Variants in KDM5B observed in about 807,000 individuals in gnomAD.
The protein encoded by KDM5B is lysine-specific demethylase 5B.
KDM5B carries 144 observed loss-of-function variants against 193.4 expected under a neutral mutation model. The ratio of observed to expected loss-of-function variants is 0.74; its 90% CI spans 0.65 to 0.86. The LOEUF is 0.86. Ranked by LOEUF, KDM5B falls within the 40% of genes least tolerant of loss-of-function variation. KDM5B has a pLI of 0.00. For missense variants in KDM5B, 1,833 were observed against 1,886.9 expected (o/e 0.97, Z 0.53); for synonymous variants, 668 against 682.6 (o/e 0.98, Z 0.33).
rs758909367 is a variant in KDM5B at position 202,742,387 on chromosome 1, T to A, written c.2589+4A>T. The A allele has an allele frequency of 6.3e-7, 1 of 1,599,066 alleles. No homozygotes were observed. Among genetic ancestry groups the A allele is most frequent in the Non-Finnish European group, 8.6e-7 (1 of 1,166,328 alleles). On this transcript the variant is annotated splice_donor_region_variant and intron_variant, in intron 18 of 26. Coordinates refer to ENST00000367265, the MANE Select transcript of KDM5B (RefSeq NM_006618.5). ...TATTCTCCCACACATCCCTCTATGG[T>A]TACCTTTAGTAATGGTGTCTGACTG...
chr1:202,772,694 CT>C (rs796278655), intron 4 of KDM5B, among the ~76,000 whole-genome samples: 187 of 145,296 alleles, frequency 1.3e-3, no homozygotes, highest in South Asian at 2.0e-3. Context: ...AAAACAAGGT[CT>C]TTTTTTTTTT....
At chr1:202,783,458 T>C (rs1290243666) in intron 1 of KDM5B, among the ~76,000 whole-genome samples, 4 of 151,812 alleles carry the variant, frequency 2.6e-5, no homozygotes, top group African/African-American at 9.7e-5. Flanking sequence ...TGAGCCACGA[T>C]CATGCTACTG....
At chr1:202,739,564 T>C (rs1404306145) in intron 20 of KDM5B, among the ~76,000 whole-genome samples, 3 of 151,910 alleles carry the variant, frequency 2.0e-5, no homozygotes, top group African/African-American at 7.3e-5. Context: ...GGAGGGAACG[T>C]CAGCAGATAA....
intron 20 of KDM5B, among the ~76,000 whole-genome samples, chr1:202,739,449 T>A (rs1217818686): frequency 1.3e-5 from 2 of 152,044 alleles, no homozygotes; most frequent in Admixed American, 6.5e-5. Flanking sequence ...CTCTTTTTTT[T>A]TTTTGCCTTT....
Position 202,736,349 on chromosome 1 carries a change from A to G in KDM5B, c.3128T>C (p.Val1043Ala). The G allele has an allele frequency of 6.2e-7, 1 of 1,611,700 alleles. No individual in the cohort carries two copies. The highest frequency in any genetic ancestry group is 8.5e-7 in the Non-Finnish European group (1 of 1,178,856). ...VPVLDTLIEL[V>A]TRGRSIPVHL... ...TACGGGGATAGATCGGCCTCGTGTAACAAGTTCTATGAGTGTGTCTAACAC... is the reference window on the plus strand; with the variant it reads ...TACGGGGATAGATCGGCCTCGTGTAGCAAGTTCTATGAGTGTGTCTAACAC... The change falls in exon 21 of 27, where the codon GTT (valine) becomes GCT (alanine). Residue 1043 changes from valine to alanine, a missense_variant. Val to Ala is a moderately conservative substitution (Grantham distance 64, BLOSUM62 0). This residue lies in a region of KDM5B where 1,379 missense variants were observed against 1,349.6 expected (regional missense o/e 1.02). Coordinates refer to ENST00000367265, the MANE Select transcript of KDM5B (RefSeq NM_006618.5).
At chr1:202,801,155 T>C (rs12070340) in intron 1 of KDM5B, among the ~76,000 whole-genome samples, 11,909 of 152,300 alleles carry the variant, frequency 0.078, 551 homozygotes, top group African/African-American at 0.12. Flanking sequence ...CTTTACACTT[T>C]TGTGTATGCT....
intron 1 of KDM5B, among the ~76,000 whole-genome samples, chr1:202,791,104 C>G (rs1014709766): frequency 1.3e-5 from 2 of 152,148 alleles, no homozygotes; most frequent in Non-Finnish European, 2.9e-5. Flanking sequence ...GAAACTTACC[C>G]TATGATATAT....
chr1:202,757,461 C>G (rs1656068287), intron 9 of KDM5B, among the ~76,000 whole-genome samples: 1 of 152,162 alleles, frequency 6.6e-6, no homozygotes, highest in Non-Finnish European at 1.5e-5. Flanking sequence ...AAATGTCTAT[C>G]CCTCAATGTC....
intron 19 of KDM5B, 132 bp from the exon 20 acceptor site, chr1:202,740,944 C>T: frequency 4.6e-6 from 4 of 865,074 alleles, no homozygotes; most frequent in Non-Finnish European, 7.0e-6. Flanking sequence ...ATTGTCTATT[C>T]CTGTTGAAAA....
At chr1:202,808,081 C>T in intron 1 of KDM5B, 21 bp downstream of exon 1, 4 of 1,605,196 alleles carry the variant, frequency 2.5e-6, no homozygotes, top group African/African-American at 1.4e-5. Flanking sequence ...GAGCTGGATC[C>T]GGGGTGCTGG....
rs755185429 is a variant in KDM5B, at chr1:202,742,382, T to A, written c.2589+9A>T. On this transcript the variant is annotated intron_variant, in intron 18 of 26. Coordinates refer to ENST00000367265, the MANE Select transcript of KDM5B (RefSeq NM_006618.5). ...CAAAGTATTCTCCCACACATCCCTCTATGGTTACCTTTAGTAATGGTGTCT... is the reference window on the plus strand; with the variant it reads ...CAAAGTATTCTCCCACACATCCCTCAATGGTTACCTTTAGTAATGGTGTCT... The A allele has an allele frequency of 1.9e-5, 30 of 1,588,054 alleles. No homozygotes were observed. In the East Asian group the frequency reaches 6.5e-4, roughly 34 times the overall value.
chr1:202,735,194 T>C (rs1655046610), intron 22 of KDM5B, among the ~76,000 whole-genome samples: 1 of 152,232 alleles, frequency 6.6e-6, no homozygotes, highest in Non-Finnish European at 1.5e-5. Context: ...TAAACAAGAC[T>C]GTTTCTGTGC....
intron 12 of KDM5B, among the ~76,000 whole-genome samples, 191 bp from the exon 13 acceptor site, chr1:202,750,969 C>T (rs1361908384): frequency 6.6e-6 from 1 of 152,126 alleles, no homozygotes; most frequent in African/African-American, 2.4e-5. Flanking sequence ...GGAGCAGTAT[C>T]CCAGACTACC....
intron 1 of KDM5B, among the ~76,000 whole-genome samples, chr1:202,789,479 G>GTGAAC (rs1214741370): frequency 2.0e-5 from 3 of 148,446 alleles, no homozygotes; most frequent in Non-Finnish European, 4.5e-5. Context: ...GCCGAGACAA[G>GTGAAC]TGAACTGAGA....
chr1:202,726,491 G>A lies in KDM5B; in HGVS notation c.*2545C>T, dbSNP rs1654677933. 6.6e-6 allele frequency: 1 copy of A among 152,168 alleles called. No homozygotes were observed. Among genetic ancestry groups the A allele is most frequent in the African/African-American group, 2.4e-5 (1 of 41,416 alleles). The allele number at this position is 152,168 out of a possible 1,614,324, so 9.4% of individuals were successfully genotyped here. A position where few individuals can be genotyped will look rare whatever the true frequency, so the allele number is the denominator to read the frequency against. ...AACAAACAGTATTCATTTAGGTGAG[G>A]TGGAAGGCACACCTCATCTACCCTT... On this transcript the variant is annotated 3_prime_UTR_variant, in exon 27 of 27. Coordinates refer to ENST00000367265, the MANE Select transcript of KDM5B (RefSeq NM_006618.5).
chr1:202,769,083 C>CTGCAG (rs1656599937), intron 4 of KDM5B, among the ~76,000 whole-genome samples: 1 of 146,576 alleles, frequency 6.8e-6, no homozygotes. Context: ...GTCGCCCAGG[C>CTGCAG]TGCAGTGCAG....
chr1:202,729,140 G>C lies in KDM5B; in HGVS notation c.4531C>G (p.Gln1511Glu). 6.2e-7 allele frequency: 1 copy of C among 1,614,138 alleles called. No individual in the cohort carries two copies. The highest frequency in any genetic ancestry group is 8.5e-7 in the Non-Finnish European group (1 of 1,179,982). The change falls in exon 27 of 27, where the codon CAG becomes GAG. Residue 1511 changes from glutamine to glutamate, a missense_variant. Transcript: ENST00000367265. ...DWVQCDGSCNQWFHQVCVGVS... is the reference protein window; with the variant it reads ...DWVQCDGSCNEWFHQVCVGVS... ...CCAACACAGACCTGATGAAACCACT[G>C]ATTGCAGCTGCCATCACACTGGACC...
At chr1:202,794,715 A>T (rs540396206) in intron 1 of KDM5B, among the ~76,000 whole-genome samples, 1 of 152,350 alleles carries the variant, frequency 6.6e-6, no homozygotes, top group African/African-American at 2.4e-5. Context: ...TCACAATAGA[A>T]ATGTAGCATA....
At chr1:202,797,905 G>A (rs1171477668) in intron 1 of KDM5B, among the ~76,000 whole-genome samples, 1 of 152,216 alleles carries the variant, frequency 6.6e-6, no homozygotes, top group East Asian at 1.9e-4. Context: ...TCTGTTTAGG[G>A]ACAGGCCGGG....
Sources: gnomAD v4.1 joint callset for allele counts (sites outside exome capture counted in the v4.1 genomes callset) on GRCh38, gnomAD v4.1.1 for gene constraint, gnomAD v4.1.1 regional missense constraint, MANE v1.5 for transcripts, NCBI Gene and HGNC (gene_info 2026-07-23, HGNC 2026-07-21) for gene names.